The following USP7 variants were observed in gnomAD, a reference collection of about 807,000 sequenced individuals.
USP7 encodes ubiquitin specific peptidase 7.
USP7 carries 9 observed loss-of-function variants against 162.9 expected under a neutral mutation model. That is an observed-to-expected ratio of 0.06 (90% CI 0.03 to 0.10). USP7 has a LOEUF of 0.10. Among genes scored for constraint, USP7 ranks in the 10% least tolerant of loss-of-function variants. The pLI, the probability that USP7 is intolerant of heterozygous loss-of-function variation, is 1.00. For missense variants in USP7, 715 were observed against 1,373.7 expected (o/e 0.52, Z 7.58); for synonymous variants, 562 against 475.9 (o/e 1.18, Z -2.35).
intron 10 of USP7, among the ~76,000 whole-genome samples, chr16:8,913,068 A>AT (rs1474131327): frequency 6.6e-6 from 1 of 152,148 alleles, no homozygotes; most frequent in Non-Finnish European, 1.5e-5. Flanking sequence ...TTAAAAGCAC[A>AT]TGGGGGGCTG....
In USP7 at chr16:8,893,953, G is replaced by A. The variant is rs1310425767; in HGVS notation, c.*45C>T. The A allele has an allele frequency of 5.1e-6, 8 of 1,576,318 alleles. No homozygotes were observed. Among genetic ancestry groups the A allele is most frequent in the Non-Finnish European group, 7.0e-6 (8 of 1,145,654 alleles). On this transcript the variant is annotated 3_prime_UTR_variant, in exon 31 of 31. Transcript: ENST00000344836. ...GCACCAAAGTTCTAGGCTGTTAAGGGGCCACCCACACACCGTCCTCGCCTT... is the reference window on the plus strand; with the variant it reads ...GCACCAAAGTTCTAGGCTGTTAAGGAGCCACCCACACACCGTCCTCGCCTT...
chr16:8,900,666 T>G (rs1596354224), intron 20 of USP7, 36 bp from the exon 21 acceptor site: 1 of 1,502,256 alleles, frequency 6.7e-7, no homozygotes, highest in Middle Eastern at 1.7e-4. Flanking sequence ...ACACTGCAAG[T>G]TTGTCTAACG....
intron 18 of USP7, 28 bp from the exon 19 acceptor site, chr16:8,901,262 A>G: frequency 6.5e-7 from 1 of 1,537,482 alleles, no homozygotes; most frequent in Non-Finnish European, 9.0e-7. Context: ...AAGTTTTGTT[A>G]AGATCCAAAC....
chr16:8,958,551 G>C (rs537191710), intron 1 of USP7, among the ~76,000 whole-genome samples: 2 of 152,344 alleles, frequency 1.3e-5, no homozygotes, highest in African/African-American at 4.8e-5. Flanking sequence ...GAGGCAGCAA[G>C]GGCCTGCTTT....
rs138406884 is a variant in USP7, at chr16:8,936,286, C to T, written c.80-5889G>A. On this transcript the variant is annotated intron_variant, in intron 1 of 30. Coordinates refer to ENST00000344836, the MANE Select transcript of USP7 (RefSeq NM_003470.3). ...TGGTCTCTGGGTGGCTCACATGGCG[C>T]CCTACAGCCCATCTCACCCCGCCCC... 4.9e-4 allele frequency among the ~76,000 whole-genome samples: 74 copies of T among 152,252 alleles called. No individual in the cohort carries two copies. The East Asian group carries it at 0.013, about 27-fold the overall frequency.
At chr16:8,903,433 C>T (rs1268313630) in intron 15 of USP7, 31 bp from the exon 16 acceptor site, 22 of 1,601,706 alleles carry the variant, frequency 1.4e-5, no homozygotes, top group Non-Finnish European at 1.8e-5. Context: ...ACAGAAAAGA[C>T]TTGACAACTG....
intron 1 of USP7, among the ~76,000 whole-genome samples, chr16:8,943,585 T>G (rs1248547716): frequency 6.0e-5 from 9 of 150,712 alleles, no homozygotes; most frequent in African/African-American, 2.2e-4. Flanking sequence ...CTCGTTAACG[T>G]GGGATACCAC....
At chr16:8,947,462 C>T (rs949875582) in intron 1 of USP7, among the ~76,000 whole-genome samples, 1 of 152,118 alleles carries the variant, frequency 6.6e-6, no homozygotes, top group Non-Finnish European at 1.5e-5. Flanking sequence ...AACTATCCCA[C>T]ATCAGCCTCC....
intron 10 of USP7, among the ~76,000 whole-genome samples, chr16:8,911,168 G>A (rs916005549): frequency 6.6e-6 from 1 of 152,190 alleles, no homozygotes; most frequent in African/African-American, 2.4e-5. Context: ...GGTCTCAAAA[G>A]CAGAGATGCA....
intron 1 of USP7, among the ~76,000 whole-genome samples, chr16:8,942,961 C>G (rs1899114445): frequency 6.6e-6 from 1 of 152,208 alleles, no homozygotes; most frequent in African/African-American, 2.4e-5. Flanking sequence ...GCCTTCAGTT[C>G]TGTACCTTTT....
intron 18 of USP7, among the ~76,000 whole-genome samples, chr16:8,901,614 A>T (rs943616213): frequency 4.6e-5 from 7 of 152,226 alleles, no homozygotes; most frequent in African/African-American, 9.6e-5. Flanking sequence ...ACAGCAATAA[A>T]AGTCTGTCAT....
chr16:8,952,198 G>C (rs1054308265), intron 1 of USP7, among the ~76,000 whole-genome samples: 1 of 152,112 alleles, frequency 6.6e-6, no homozygotes, highest in South Asian at 2.1e-4. Context: ...TATAGTTAAC[G>C]GTGATTGCGC....
intron 1 of USP7, among the ~76,000 whole-genome samples, chr16:8,933,213 C>T (rs1198380668): frequency 2.6e-5 from 4 of 152,064 alleles, no homozygotes; most frequent in African/African-American, 9.7e-5. Flanking sequence ...GTGCTGGGAT[C>T]ACTCATGAGC....
chr16:8,908,768 A>G (rs2061898517), intron 11 of USP7, among the ~76,000 whole-genome samples: 1 of 152,260 alleles, frequency 6.6e-6, no homozygotes, highest in South Asian at 2.1e-4. Context: ...CTGCTGTGTT[A>G]TACAGTCATT....
At chr16:8,905,384 C>G (rs2061843930) in intron 13 of USP7, 53 bp from the exon 14 acceptor site, 1 of 1,598,544 alleles carries the variant, frequency 6.3e-7, no homozygotes, top group Non-Finnish European at 8.6e-7. Context: ...GACAAGTACC[C>G]AACACTAGAA....
chr16:8,941,064 G>T (rs1439244382), intron 1 of USP7, among the ~76,000 whole-genome samples: 1 of 152,148 alleles, frequency 6.6e-6, no homozygotes, highest in South Asian at 2.1e-4. Flanking sequence ...AAAGTGGTAG[G>T]TGCTGGCCAG....
intron 1 of USP7, among the ~76,000 whole-genome samples, chr16:8,931,932 C>T (rs188924626): frequency 6.6e-6 from 1 of 152,230 alleles, no homozygotes; most frequent in African/African-American, 2.4e-5. Flanking sequence ...AGAATCTCAA[C>T]TGCATACAGG....
chr16:8,897,793 G>A (rs964107839), intron 25 of USP7, among the ~76,000 whole-genome samples: 3 of 143,056 alleles, frequency 2.1e-5, no homozygotes, highest in Admixed American at 1.4e-4. Context: ...TAGCTACTTG[G>A]GGGGCTGAGG....
intron 12 of USP7, among the ~76,000 whole-genome samples, chr16:8,907,670 T>C (rs2061881812): frequency 1.3e-5 from 2 of 152,122 alleles, no homozygotes; most frequent in East Asian, 3.9e-4. Flanking sequence ...AGTGAAACCC[T>C]GTCTCTACTA....
Sources: allele counts gnomAD v4.1 joint callset (sites outside exome capture counted in the v4.1 genomes callset), GRCh38; gene constraint gnomAD v4.1.1; transcripts MANE v1.5; gene names NCBI Gene and HGNC (gene_info 2026-07-23, HGNC 2026-07-21).